CSMD1: variants seen among roughly 807,000 people sequenced by gnomAD.
CSMD1 encodes CUB and Sushi multiple domains 1, also known as CUB and sushi domain-containing protein 1.
CSMD1 carries 213 observed loss-of-function variants against 417.5 expected under a neutral mutation model. The ratio of observed to expected loss-of-function variants is 0.51; its 90% CI spans 0.46 to 0.57. The LOEUF is 0.57. Among genes scored for constraint, CSMD1 ranks in the 20% least tolerant of loss-of-function variants. The pLI, the probability that CSMD1 is intolerant of heterozygous loss-of-function variation, is 0.00. For synonymous variants in CSMD1, 2,862 were observed against 1,736.8 expected, an observed-to-expected ratio of 1.65 and a Z score of -16.11; for missense variants, 6,923 against 4,529.7, an observed-to-expected ratio of 1.53 and a Z score of -15.17.
chr8:4,868,714 G>C (rs962532584), intron 1 of CSMD1, among the ~76,000 whole-genome samples: 5 of 152,028 alleles, frequency 3.3e-5, no homozygotes, highest in Non-Finnish European at 7.4e-5. Flanking sequence ...AGTATTTGAT[G>C]CGGTACCAGT....
rs188456421 is a variant in CSMD1, at chr8:4,504,770, A to G, written c.303-84705T>C. On this transcript the variant is annotated intron_variant, in intron 2 of 69. Transcript: ENST00000635120. ...TTCCTGTGTTAGTTTGCTGAGAATG[A>G]TGGTTTCCAGCTTCATCCATGTCCC... Among the ~76,000 whole-genome samples the G allele has an allele frequency of 9.4e-4, 143 of 152,188 alleles. 2 individuals are homozygous for G. The highest frequency in any genetic ancestry group is 4.9e-4 in the Non-Finnish European group (33 of 68,018).
intron 3 of CSMD1, among the ~76,000 whole-genome samples, chr8:4,324,172 T>C (rs1044823670): frequency 2.6e-5 from 4 of 152,194 alleles, no homozygotes; most frequent in African/African-American, 9.7e-5. Context: ...GTGGAAATAG[T>C]ATAAAAAATA....
At chr8:3,098,426 A>C (rs1040952034) in intron 46 of CSMD1, among the ~76,000 whole-genome samples, 1 of 152,212 alleles carries the variant, frequency 6.6e-6, no homozygotes, top group Admixed American at 6.5e-5. Flanking sequence ...TAGCATTCTA[A>C]TTAACATATA....
rs186979006 is a variant in CSMD1, at chr8:4,079,994, A to C, written c.416-47895T>G. On this transcript the variant is annotated intron_variant, in intron 3 of 69. Coordinates refer to ENST00000635120, the MANE Select transcript of CSMD1 (RefSeq NM_033225.6). ...TTAAAGATTAAGAAAATTATGTTCGAATATTGGTGTTTTTTTTTTTTTCTA... is the reference window on the plus strand; with the variant it reads ...TTAAAGATTAAGAAAATTATGTTCGCATATTGGTGTTTTTTTTTTTTTCTA... 1.4e-3 allele frequency among the ~76,000 whole-genome samples: 211 copies of C among 150,514 alleles called. 1 individual carries two copies. Among genetic ancestry groups the C allele is most frequent in the African/African-American group, 5.1e-3 (204 of 40,328 alleles).
intron 3 of CSMD1, among the ~76,000 whole-genome samples, chr8:4,201,836 G>A (rs555782498): frequency 5.5e-5 from 8 of 146,270 alleles, no homozygotes; most frequent in Non-Finnish European, 1.0e-4. Context: ...CCTTATAGAA[G>A]GATCTTAATT....
At chr8:3,132,969 T>C (rs1817874781) in intron 41 of CSMD1, among the ~76,000 whole-genome samples, 1 of 152,176 alleles carries the variant, frequency 6.6e-6, no homozygotes, top group African/African-American at 2.4e-5. Context: ...AGGCTGAGGG[T>C]GCCGCTCCGT....
intron 3 of CSMD1, among the ~76,000 whole-genome samples, chr8:4,087,767 A>C (rs1231440605): frequency 6.6e-6 from 1 of 151,912 alleles, no homozygotes; most frequent in South Asian, 2.1e-4. Context: ...TCTTCTTTCT[A>C]TATTTTCTCT....
At chr8:4,867,658 G>A (rs1479013127) in intron 1 of CSMD1, among the ~76,000 whole-genome samples, 1 of 152,042 alleles carries the variant, frequency 6.6e-6, no homozygotes, top group Non-Finnish European at 1.5e-5. Context: ...GAAATAGAAT[G>A]ATGGTGCTGA....
intron 8 of CSMD1, among the ~76,000 whole-genome samples, chr8:3,599,317 A>G (rs1018448947): frequency 2.0e-5 from 3 of 152,062 alleles, no homozygotes; most frequent in Non-Finnish European, 2.9e-5. Flanking sequence ...AACACCTGAG[A>G]TCTACCCTCT....
chr8:4,572,146 C>A (rs915890192), intron 2 of CSMD1, among the ~76,000 whole-genome samples: 1 of 152,140 alleles, frequency 6.6e-6, no homozygotes, highest in Admixed American at 6.5e-5. Flanking sequence ...TGTGTGAATT[C>A]GAACCTGTCA....
chr8:3,315,149 TGAC>T (rs1805654104), intron 23 of CSMD1, among the ~76,000 whole-genome samples: 1 of 152,218 alleles, frequency 6.6e-6, no homozygotes, highest in Non-Finnish European at 1.5e-5. Context: ...TCTTTAAGAA[TGAC>T]TCTCATGTGA....
At chr8:4,616,281 C>G (rs537795289) in intron 2 of CSMD1, among the ~76,000 whole-genome samples, 2 of 152,156 alleles carry the variant, frequency 1.3e-5, no homozygotes, top group East Asian at 1.9e-4. Flanking sequence ...CAAGTCTACA[C>G]TGGAATTCCA....
intron 3 of CSMD1, among the ~76,000 whole-genome samples, chr8:4,130,949 T>C (rs1327910054): frequency 6.6e-6 from 1 of 152,100 alleles, no homozygotes; most frequent in African/African-American, 2.4e-5. Context: ...TCATATCTAA[T>C]CTATAAAATA....
chr8:3,435,048 C>T (rs1378285968), intron 12 of CSMD1, among the ~76,000 whole-genome samples: 3 of 152,084 alleles, frequency 2.0e-5, no homozygotes, highest in Non-Finnish European at 4.4e-5. Context: ...GCAGAGAGGA[C>T]AGAAGCCCCT....
At chr8:3,337,932 G>C (rs1476915189) in intron 23 of CSMD1, among the ~76,000 whole-genome samples, 2 of 152,138 alleles carry the variant, frequency 1.3e-5, no homozygotes, top group African/African-American at 4.8e-5. Flanking sequence ...TTTGTGGAAG[G>C]GAAGCTCGGC....
intron 54 of CSMD1, among the ~76,000 whole-genome samples, chr8:2,989,051 G>A (rs1051630420): frequency 1.6e-4 from 24 of 152,156 alleles, no homozygotes; most frequent in African/African-American, 5.3e-4. Flanking sequence ...AAGTAGTTAG[G>A]AAAAGAATGC....
intron 5 of CSMD1, among the ~76,000 whole-genome samples, chr8:3,808,789 T>C (rs887143769): frequency 2.0e-5 from 3 of 152,178 alleles, no homozygotes; most frequent in Admixed American, 6.5e-5. Flanking sequence ...TGTCTCGGAA[T>C]TGGAAAATTT....
chr8:4,391,359 C>G (rs951550304), intron 3 of CSMD1, among the ~76,000 whole-genome samples: 9 of 152,142 alleles, frequency 5.9e-5, no homozygotes, highest in Non-Finnish European at 1.3e-4. Flanking sequence ...TATGGACTTG[C>G]TTTTCCACTA....
At chr8:4,410,312 G>A (rs539200186) in intron 3 of CSMD1, among the ~76,000 whole-genome samples, 8 of 152,280 alleles carry the variant, frequency 5.3e-5, no homozygotes, top group African/African-American at 1.9e-4. Flanking sequence ...TGAGCGCTTA[G>A]TCACCAGCAC....
Sources: allele counts gnomAD v4.1 joint callset (sites outside exome capture counted in the v4.1 genomes callset), GRCh38; gene constraint gnomAD v4.1.1; transcripts MANE v1.5; gene names NCBI Gene and HGNC (gene_info 2026-07-23, HGNC 2026-07-21).